SLC25A12: variants seen among roughly 807,000 people sequenced by gnomAD.
The protein encoded by SLC25A12 is electrogenic aspartate/glutamate antiporter SLC25A12, mitochondrial.
Under a neutral mutation model 83.3 loss-of-function variants are expected in SLC25A12, and 32 were observed. The observed-to-expected ratio is 0.38, with a 90% CI of 0.29 to 0.52. The LOEUF is 0.52. Among genes scored for constraint, SLC25A12 ranks in the 20% least tolerant of loss-of-function variants. SLC25A12 has a pLI of 0.84. For synonymous variants in SLC25A12, 267 were observed against 291.1 expected, an observed-to-expected ratio of 0.92 and a Z score of 0.84; for missense variants, 611 against 835.6, an observed-to-expected ratio of 0.73 and a Z score of 3.31.
intron 9 of SLC25A12, among the ~76,000 whole-genome samples, chr2:171,819,237 AATATATAC>A (rs1462629475): frequency 8.7e-5 from 11 of 126,894 alleles, no homozygotes; most frequent in African/African-American, 3.4e-4. Flanking sequence ...ATATGTATAT[AATATATAC>A]TAATATATAT....
At chr2:171,858,309 T>C (rs781511667) in intron 3 of SLC25A12, among the ~76,000 whole-genome samples, 1 of 152,212 alleles carries the variant, frequency 6.6e-6, no homozygotes, top group Non-Finnish European at 1.5e-5. Context: ...GTATTTTTCA[T>C]GCAATTTCTG....
intron 3 of SLC25A12, among the ~76,000 whole-genome samples, chr2:171,863,409 C>G (rs1483174322): frequency 6.6e-6 from 1 of 151,914 alleles, no homozygotes; most frequent in Non-Finnish European, 1.5e-5. Context: ...ACCTATAATC[C>G]TAGCTACTTG....
At chr2:171,789,508 A>C (rs548278028) in intron 15 of SLC25A12, among the ~76,000 whole-genome samples, 1 of 152,142 alleles carries the variant, frequency 6.6e-6, no homozygotes, top group Non-Finnish European at 1.5e-5. Context: ...GATTACAGGA[A>C]TGAGCCACCA....
chr2:171,834,201 G>A, intron 7 of SLC25A12, 145 bp from the exon 8 acceptor site: 2 of 614,538 alleles, frequency 3.3e-6, no homozygotes, highest in Admixed American at 5.6e-5. Context: ...AAATATTTAA[G>A]TTCAACTATA....
At chr2:171,849,786 G>A (rs2105900059) in intron 4 of SLC25A12, among the ~76,000 whole-genome samples, 1 of 152,072 alleles carries the variant, frequency 6.6e-6, no homozygotes, top group South Asian at 2.1e-4. Flanking sequence ...TCGATCTCCT[G>A]ACCTCGTGAT....
At chr2:171,852,458 C>A (rs186820448) in intron 4 of SLC25A12, among the ~76,000 whole-genome samples, 95 of 152,326 alleles carry the variant, frequency 6.2e-4, no homozygotes, top group Admixed American at 1.1e-3. Flanking sequence ...CACTTCCTTA[C>A]ACATTGCAGC....
In SLC25A12 at chr2:171,809,657, G is replaced by A. The variant is rs1683909983; in HGVS notation, c.1254C>T (p.Thr418=). 1 of 1,613,874 alleles carries A rather than the reference G, an allele frequency of 6.2e-7. No individual in the cohort carries two copies. Residue 418 remains threonine (T), a synonymous_variant, in exon 13 of 18, where the codon ACC becomes ACT. Coordinates refer to ENST00000422440, the MANE Select transcript of SLC25A12 (RefSeq NM_003705.5). ...GAAGTGGAACAGAGCCATCTCTTCT[G>A]GTAAATTTGTCCCGAACAAAATCAT... ...TVNDFVRDKF[T]RRDGSVPLPA...
chr2:171,826,137 T>C (rs1684295720), intron 9 of SLC25A12, among the ~76,000 whole-genome samples: 1 of 152,194 alleles, frequency 6.6e-6, no homozygotes, highest in African/African-American at 2.4e-5. Context: ...ACCCTATAAA[T>C]ATCAGTTTAA....
At chr2:171,837,337 G>A in intron 5 of SLC25A12, 70 bp from the exon 6 acceptor site, 2 of 1,532,364 alleles carry the variant, frequency 1.3e-6, no homozygotes, top group Non-Finnish European at 1.8e-6. Flanking sequence ...TGGAAAGGAA[G>A]GAAGGACAGA....
chr2:171,824,380 G>C (rs1254400970), intron 9 of SLC25A12, among the ~76,000 whole-genome samples: 2 of 152,192 alleles, frequency 1.3e-5, no homozygotes, highest in African/African-American at 4.8e-5. Context: ...ATTGCTAGGG[G>C]CAAGAGAGGT....
chr2:171,888,389 G>A (rs953852721), intron 2 of SLC25A12, among the ~76,000 whole-genome samples: 12 of 149,654 alleles, frequency 8.0e-5, no homozygotes, highest in African/African-American at 1.2e-4. Context: ...ATGAGCTGCC[G>A]CACCCAGCTG....
chr2:171,787,588 G>A lies in SLC25A12; in HGVS notation c.1818C>T (p.Tyr606=). The A allele has an allele frequency of 6.2e-7, 1 of 1,613,880 alleles. No homozygotes were observed. Among genetic ancestry groups the A allele is most frequent in the Non-Finnish European group, 8.5e-7 (1 of 1,179,758 alleles). Residue 606 remains tyrosine (Y), a synonymous_variant, in exon 17 of 18, where the codon TAC becomes TAT. Coordinates refer to ENST00000422440, the MANE Select transcript of SLC25A12 (RefSeq NM_003705.5). ...VTYELLQRWF[Y]IDFGGLKPAG... ...TGACTTACAGGCCTCCAAAATCAAT[G>A]TAAAACCACCGCTGGAGAAGTTCAT...
At chr2:171,890,672 G>A (rs62182403) in intron 2 of SLC25A12, among the ~76,000 whole-genome samples, 64,633 of 151,896 alleles carry the variant, frequency 0.43, 15,329 homozygotes, top group Middle Eastern at 0.57. Context: ...TTGCAGAGAC[G>A]AGGTCTCACT....
At chr2:171,790,969 A>G (rs1173651561) in intron 15 of SLC25A12, among the ~76,000 whole-genome samples, 1 of 152,176 alleles carries the variant, frequency 6.6e-6, no homozygotes, top group African/African-American at 2.4e-5. Context: ...AATGAGGGCA[A>G]TGGTAGGAAG....
At chr2:171,805,711 C>T (rs1683810500) in intron 13 of SLC25A12, among the ~76,000 whole-genome samples, 2 of 152,206 alleles carry the variant, frequency 1.3e-5, no homozygotes, top group African/African-American at 4.8e-5. Flanking sequence ...CAATAATCAT[C>T]ATCAACAATA....
At chr2:171,884,202 TC>T (rs1031462220) in intron 2 of SLC25A12, among the ~76,000 whole-genome samples, 2 of 139,898 alleles carry the variant, frequency 1.4e-5, no homozygotes, top group South Asian at 2.4e-4. Context: ...TTTTTTTTTT[TC>T]CCCCCGAGAC....
chr2:171,811,260 T>C (rs1276828875), intron 11 of SLC25A12, among the ~76,000 whole-genome samples: 1 of 152,184 alleles, frequency 6.6e-6, no homozygotes, highest in Non-Finnish European at 1.5e-5. Flanking sequence ...TAATCATACA[T>C]ATAGGCTACT....
intron 13 of SLC25A12, among the ~76,000 whole-genome samples, chr2:171,800,330 C>CACAT (rs895946794): frequency 9.9e-5 from 15 of 151,654 alleles, no homozygotes; most frequent in African/African-American, 3.6e-4. Flanking sequence ...ACTTCACACA[C>CACAT]ACACACACAC....
intron 4 of SLC25A12, among the ~76,000 whole-genome samples, chr2:171,852,016 T>C (rs1684945825): frequency 6.6e-6 from 1 of 152,194 alleles, no homozygotes; most frequent in Non-Finnish European, 1.5e-5. Flanking sequence ...CAATAGCCTC[T>C]ACAAGGCTCA....
Sources: allele counts gnomAD v4.1 joint callset (sites outside exome capture counted in the v4.1 genomes callset), GRCh38; gene constraint gnomAD v4.1.1; transcripts MANE v1.5; gene names NCBI Gene and HGNC (gene_info 2026-07-23, HGNC 2026-07-21).